BTAF1: variants seen among roughly 807,000 people sequenced by gnomAD.
The protein encoded by BTAF1 is TATA-binding protein-associated factor 172.
A neutral mutation model predicts 227.1 loss-of-function variants in BTAF1; 38 were observed. That is an observed-to-expected ratio of 0.17 (90% CI 0.13 to 0.22). BTAF1 has a LOEUF of 0.22. Among genes scored for constraint, BTAF1 ranks in the 10% least tolerant of loss-of-function variants. The pLI, the probability that BTAF1 is intolerant of heterozygous loss-of-function variation, is 1.00. For missense variants in BTAF1, 1,598 were observed against 2,204.0 expected, an observed-to-expected ratio of 0.73 and a Z score of 5.51; for synonymous variants, 742 against 751.9, an observed-to-expected ratio of 0.99 and a Z score of 0.21.
rs1018817680 is a variant in BTAF1, at chr10:92,030,523, T to C, written c.*1590T>C. Among the ~76,000 whole-genome samples the C allele has an allele frequency of 3.9e-5, 6 of 152,156 alleles. No individual in the cohort carries two copies. The highest frequency in any genetic ancestry group is 1.2e-4 in the African/African-American group (5 of 41,448). On this transcript the variant is annotated 3_prime_UTR_variant, in exon 38 of 38. Transcript: ENST00000265990. ...TAAACCAGCTCTTTAACATAGCTTA[T>C]AGTAATTGATATTTTCTTAGAATAA...
In BTAF1 at chr10:92,016,396, A is replaced by G. The variant is rs756142804; in HGVS notation, c.4641A>G (p.Thr1547=). 2.4e-5 allele frequency: 38 copies of G among 1,601,396 alleles called. No individual in the cohort carries two copies. Among genetic ancestry groups the G allele is most frequent in the Non-Finnish European group, 3.0e-5 (35 of 1,174,844 alleles). ...GTGCCAAGTGTGATGTTGATGAAAC[A>G]GTTTCTTCAGCTACACTTTCTGAAG... ...KSRAKCDVDE[T]VSSATLSEET... is the part of the protein sequence containing the mutation. The change falls in exon 33 of 38, where the codon ACA becomes ACG. Residue 1547 remains threonine, a synonymous_variant. Transcript: ENST00000265990.
rs1052936588 is a variant in BTAF1 at position 92,000,460 on chromosome 10, A to G, written c.3660+2709A>G. Reference sequence around the variant, plus strand: ...GCCATTTGAATATGGATTAGAATTGAAAGTGCGCCAAAATAGAGCTCACAT... The same window carrying G: ...GCCATTTGAATATGGATTAGAATTGGAAGTGCGCCAAAATAGAGCTCACAT... On this transcript the variant is annotated intron_variant, in intron 25 of 37. Transcript: ENST00000265990. Among the ~76,000 whole-genome samples, 7 of 152,368 alleles carry G rather than the reference A, an allele frequency of 4.6e-5. No individual in the cohort carries two copies. The East Asian group carries it at 1.3e-3, about 29-fold the overall frequency.
At chr10:91,927,232 G>A (rs1362462536) in intron 1 of BTAF1, among the ~76,000 whole-genome samples, 1 of 151,500 alleles carries the variant, frequency 6.6e-6, no homozygotes, top group Admixed American at 6.6e-5. Flanking sequence ...TCCACCTCCC[G>A]GGTTCAAACG....
intron 12 of BTAF1, 101 bp from the exon 13 acceptor site, chr10:91,963,976 A>C: frequency 7.9e-7 from 1 of 1,265,962 alleles, no homozygotes; most frequent in Admixed American, 2.1e-5. Context: ...TTGGAATTGC[A>C]TGTGTTGTTG....
At chr10:91,991,001 C>G (rs1345714030) in intron 20 of BTAF1, among the ~76,000 whole-genome samples, 2 of 151,654 alleles carry the variant, frequency 1.3e-5, no homozygotes, top group Non-Finnish European at 2.9e-5. Context: ...AATCCCAGCA[C>G]TTTGGGAGGC....
chr10:92,006,689 A>G (rs1375032242), intron 25 of BTAF1, among the ~76,000 whole-genome samples: 3 of 152,212 alleles, frequency 2.0e-5, no homozygotes, highest in Non-Finnish European at 4.4e-5. Flanking sequence ...ATCAGTGACA[A>G]CAAGTTAATG....
rs1280027234 is a variant in BTAF1 at position 91,924,032 on chromosome 10, G to C, written c.-45G>C. ...CTCTGGAAACTAGCGCCTCAGCTGCGCGGCGCGTAGGTCGCGGGGAGCTCC... is the reference window on the plus strand; with the variant it reads ...CTCTGGAAACTAGCGCCTCAGCTGCCCGGCGCGTAGGTCGCGGGGAGCTCC... On this transcript the variant is annotated 5_prime_UTR_variant, in exon 1 of 38. Transcript: ENST00000265990. 30 of 1,597,754 alleles carry C rather than the reference G, an allele frequency of 1.9e-5. No homozygotes were observed. The highest frequency in any genetic ancestry group is 2.6e-5 in the Non-Finnish European group (30 of 1,174,446).
At position 91,923,820 on chromosome 10, in the gene BTAF1, C is replaced by G; in HGVS notation, c.-257C>G. The G allele has an allele frequency of 2.4e-6, 1 of 425,382 alleles. No individual in the cohort carries two copies. The highest frequency in any genetic ancestry group is 4.2e-6 in the Non-Finnish European group (1 of 239,558). The allele number at this position is 425,382 out of a possible 1,614,324, so 26.4% of individuals were successfully genotyped here. A position where few individuals can be genotyped will look rare whatever the true frequency, so the allele number is the denominator to read the frequency against. On this transcript the variant is annotated 5_prime_UTR_variant, in exon 1 of 38. Transcript: ENST00000265990. Reference sequence around the variant, plus strand: ...AGCAAAGAGCGGAGCTGAGGGTACCCGGTTTGAAGTCGTGCGGGTCGGAGG... The same window carrying G: ...AGCAAAGAGCGGAGCTGAGGGTACCGGGTTTGAAGTCGTGCGGGTCGGAGG...
Position 92,024,907 on chromosome 10 carries a change from T to C in BTAF1, c.5015T>C (p.Val1672Ala), listed in dbSNP as rs781186159. ...CTCCTCAAACCTCACTTGCCCTCTG[T>C]CACTTATTTGAGATTAGATGGCAGC... is the stretch of plus-strand genomic sequence containing the variant. ...HDLLKPHLPS[V>A]TYLRLDGSIP... Residue 1672 changes from valine (V) to alanine (A), a missense_variant, in exon 35 of 38, where the codon GTC (valine) becomes GCC (alanine). By Grantham distance (64) the Val-to-Ala change is moderately conservative. Coordinates refer to ENST00000265990, the MANE Select transcript of BTAF1 (RefSeq NM_003972.3). The C allele has an allele frequency of 1.3e-5, 21 of 1,613,968 alleles. No individual in the cohort carries two copies. Among genetic ancestry groups the C allele is most frequent in the African/African-American group, 2.7e-5 (2 of 74,894 alleles).
At chr10:91,940,106 A>G in intron 3 of BTAF1, 40 bp downstream of exon 3, 1 of 1,311,342 alleles carries the variant, frequency 7.6e-7, no homozygotes, top group Non-Finnish European at 1.1e-6. Context: ...GTAAAAACCT[A>G]ACTGTAGAAT....
chr10:91,999,960 G>A (rs1353877922), intron 25 of BTAF1, among the ~76,000 whole-genome samples: 1 of 152,162 alleles, frequency 6.6e-6, no homozygotes, highest in Admixed American at 6.5e-5. Context: ...GGAGAGAGAA[G>A]GTTATGATTG....
chr10:92,010,036 C>G (rs1850190774), intron 28 of BTAF1, among the ~76,000 whole-genome samples: 1 of 151,970 alleles, frequency 6.6e-6, no homozygotes, highest in South Asian at 2.1e-4. Context: ...AGGCACTATT[C>G]TAAGCAGCTT....
intron 25 of BTAF1, among the ~76,000 whole-genome samples, chr10:92,003,070 C>T (rs1386181759): frequency 5.3e-5 from 8 of 151,356 alleles, no homozygotes; most frequent in African/African-American, 1.5e-4. Context: ...GCAGGAGAAT[C>T]GCTTGAACCT....
At chr10:91,932,943 C>T (rs759035278) in intron 1 of BTAF1, among the ~76,000 whole-genome samples, 3 of 152,210 alleles carry the variant, frequency 2.0e-5, no homozygotes, top group Non-Finnish European at 4.4e-5. Flanking sequence ...TCAGCTGTGC[C>T]TCCCACCAAC....
At chr10:91,952,996 A>G (rs1288025536) in intron 5 of BTAF1, among the ~76,000 whole-genome samples, 2 of 152,188 alleles carry the variant, frequency 1.3e-5, no homozygotes, top group South Asian at 2.1e-4. Flanking sequence ...ATCCAGATTT[A>G]TATATCATGG....
chr10:91,961,252 G>T (rs766457692), intron 11 of BTAF1, among the ~76,000 whole-genome samples: 1 of 152,112 alleles, frequency 6.6e-6, no homozygotes, highest in Non-Finnish European at 1.5e-5. Flanking sequence ...TTAATTTCCC[G>T]TAATACTTTC....
At chr10:91,935,567 C>A in intron 1 of BTAF1, 90 bp from the exon 2 acceptor site, 1 of 1,380,362 alleles carries the variant, frequency 7.2e-7, no homozygotes, top group Non-Finnish European at 9.8e-7. Flanking sequence ...GGTCTTCATT[C>A]ATAGCATCTG....
chr10:91,926,957 C>T (rs1374138754), intron 1 of BTAF1, among the ~76,000 whole-genome samples: 1 of 152,098 alleles, frequency 6.6e-6, no homozygotes, highest in East Asian at 1.9e-4. Context: ...GATCTGGTTC[C>T]TGTGTCATCT....
intron 20 of BTAF1, among the ~76,000 whole-genome samples, chr10:91,989,903 AG>A (rs1184882180): frequency 1.3e-5 from 2 of 152,220 alleles, no homozygotes; most frequent in African/African-American, 2.4e-5. Flanking sequence ...AAGCTAGAAA[AG>A]GTAATTGTAT....
Sources: allele counts gnomAD v4.1 joint callset (sites outside exome capture counted in the v4.1 genomes callset), GRCh38; gene constraint gnomAD v4.1.1; transcripts MANE v1.5; gene names NCBI Gene and HGNC (gene_info 2026-07-23, HGNC 2026-07-21).